The following FCHO1 variants were observed in gnomAD, a reference collection of about 807,000 sequenced individuals.
FCHO1 encodes the protein F-BAR domain only protein 1.
FCHO1 carries 45 observed loss-of-function variants against 114.4 expected under a neutral mutation model. The ratio of observed to expected loss-of-function variants is 0.39; its 90% CI spans 0.31 to 0.50. FCHO1 has a LOEUF of 0.50. Among genes scored for constraint, FCHO1 ranks in the 20% least tolerant of loss-of-function variants. FCHO1 has a pLI of 0.77. For missense variants in FCHO1, 1,042 were observed against 1,209.6 expected, an observed-to-expected ratio of 0.86 and a Z score of 2.06; for synonymous variants, 480 against 488.9, an observed-to-expected ratio of 0.98 and a Z score of 0.24.
intron 28 of FCHO1, 31 bp from the exon 29 acceptor site, chr19:17,788,253 A>G: frequency 1.2e-5 from 4 of 346,774 alleles, no homozygotes; most frequent in Non-Finnish European, 2.2e-5. Context: ...CCTCCTCCCC[A>G]CCCCTCCCCC....
chr19:17,777,535 CAAAAAAAAA>C (rs34293409), intron 18 of FCHO1, among the ~76,000 whole-genome samples: 1 of 74,808 alleles, frequency 1.3e-5, no homozygotes, highest in Non-Finnish European at 2.5e-5. Context: ...AACTCCGTCT[CAAAAAAAAA>C]AAAAAAAAAA....
In FCHO1 at chr19:17,788,454, A is replaced by G. The variant is rs766218257; in HGVS notation, c.*148A>G. The G allele has an allele frequency of 8.0e-5, 50 of 621,454 alleles. No homozygotes were observed. The highest frequency in any genetic ancestry group is 4.4e-4 in the Middle Eastern group (1 of 2,284). 38.5% of individuals were successfully genotyped at this position (621,454 alleles called of 1,614,324 possible). A position where few individuals can be genotyped will look rare whatever the true frequency, so the allele number is the denominator to read the frequency against. On this transcript the variant is annotated 3_prime_UTR_variant, in exon 29 of 29. Coordinates refer to ENST00000596536, the MANE Select transcript of FCHO1 (RefSeq NM_015122.3). The stretch of plus-strand genomic sequence containing the variant: ...AGGAGCCCCATGCCCAGCCTGGCTG[A>G]GCCCGAGATTCGCTCCTCCCCCTCA...
At chr19:17,763,734 A>T (rs1401949667) in intron 5 of FCHO1, among the ~76,000 whole-genome samples, 1 of 150,966 alleles carries the variant, frequency 6.6e-6, no homozygotes, top group African/African-American at 2.4e-5. Context: ...AGTTAAAAAA[A>T]ATTTTTTTTG....
At chr19:17,783,846 G>T (rs1362267713) in intron 24 of FCHO1, among the ~76,000 whole-genome samples, 1 of 152,156 alleles carries the variant, frequency 6.6e-6, no homozygotes, top group Non-Finnish European at 1.5e-5. Flanking sequence ...CTCCCAAAGT[G>T]CTGGGATTAC....
chr19:17,772,342 C>A, intron 9 of FCHO1, 115 bp from the exon 10 acceptor site: 1 of 774,978 alleles, frequency 1.3e-6, no homozygotes, highest in Non-Finnish European at 2.2e-6. Context: ...GGCCCTTCCC[C>A]AAATCAATCA....
At chr19:17,750,560 G>T (rs2081633821), upstream of FCHO1, among the ~76,000 whole-genome samples, 1 of 151,316 alleles carries the variant, frequency 6.6e-6, no homozygotes, top group African/African-American at 2.4e-5. Flanking sequence ...CTGGGTTCAA[G>T]CGATTCTCCT....
intron 20 of FCHO1, among the ~76,000 whole-genome samples, chr19:17,780,391 T>C (rs983367967): frequency 6.6e-6 from 1 of 152,126 alleles, no homozygotes; most frequent in African/African-American, 2.4e-5. Flanking sequence ...CTCGAACTCC[T>C]GACCTCAGGT....
At chr19:17,778,097 G>T in intron 18 of FCHO1, 40 bp from the exon 19 acceptor site, 1 of 1,519,222 alleles carries the variant, frequency 6.6e-7, no homozygotes, top group South Asian at 1.1e-5. Context: ...ATGAGGCTTG[G>T]GAAAAATAGA....
rs900201020 is a variant in FCHO1 at position 17,751,869 on chromosome 19, C to T, written c.-183+292C>T. ...TTGGCAGACAGACCAGGGGCAAAAT[C>T]ACAGTCAGCCGGGACCAATGATTGA... On this transcript the variant is annotated intron_variant, in intron 1 of 28. Coordinates refer to ENST00000596536, the MANE Select transcript of FCHO1 (RefSeq NM_015122.3). The surrounding 1 kb of genome is among the most constrained non-coding windows in gnomAD (Gnocchi z 4.4). Among the ~76,000 whole-genome samples the T allele has an allele frequency of 9.2e-5, 14 of 152,238 alleles. No individual in the cohort carries two copies. The highest frequency in any genetic ancestry group is 2.9e-4 in the African/African-American group (12 of 41,476).
At chr19:17,770,277 G>C in intron 7 of FCHO1, 148 bp from the exon 8 acceptor site, 2 of 721,760 alleles carry the variant, frequency 2.8e-6, no homozygotes, top group Non-Finnish European at 4.2e-6. Context: ...CTCCAGCCTG[G>C]ACAACAAGAG....
intron 11 of FCHO1, among the ~76,000 whole-genome samples, chr19:17,773,903 CTTTTTTTT>C (rs58272005): frequency 7.5e-6 from 1 of 132,814 alleles, no homozygotes. Context: ...CTCTCTCTCT[CTTTTTTTT>C]TTTTTTTTAA....
At position 17,781,788 on chromosome 19, in the gene FCHO1, T is replaced by C. The variant is rs757696206; in HGVS notation, c.1905T>C (p.Tyr635=). 5 of 1,608,644 alleles carry C rather than the reference T, an allele frequency of 3.1e-6. No individual in the cohort carries two copies. The highest frequency in any genetic ancestry group is 1.1e-5 in the South Asian group (1 of 90,388). ...CCATAGCCACAGCCTTCACAGAGTA[T>C]GTCCACGCCTACTTCCGTGGCCACA... ...ALPIATAFTE[Y]VHAYFRGHSP... Residue 635 remains tyrosine, a synonymous_variant, in exon 23 of 29, where the codon TAT becomes TAC. Coordinates refer to ENST00000596536, the MANE Select transcript of FCHO1 (RefSeq NM_015122.3).
intron 27 of FCHO1, 133 bp from the exon 28 acceptor site, chr19:17,787,549 G>C: frequency 1.0e-6 from 1 of 988,310 alleles, no homozygotes; most frequent in Non-Finnish European, 1.4e-6. Context: ...AGATGCAGGG[G>C]ATCAAAGGGA....
At chr19:17,770,725 G>A in intron 8 of FCHO1, 67 bp from the exon 9 acceptor site, 1 of 1,593,148 alleles carries the variant, frequency 6.3e-7, no homozygotes, top group Non-Finnish European at 8.6e-7. Context: ...CCTGCCAGGT[G>A]ATGGGGCCTG....
At position 17,764,390 on chromosome 19, in the gene FCHO1, G is replaced by T. The variant is rs747956233; in HGVS notation, c.135G>T (p.Glu45Asp). The stretch of plus-strand genomic sequence containing the variant: ...TCCTCCCCAGGGCCACCATCGAGGA[G>T]ACCTACTCGAAGGCGATGGCGAAAC... ...DFIRERATIE[E>D]TYSKAMAKLS... Residue 45 changes from glutamate to aspartate, a missense_variant, in exon 6 of 29, where the codon GAG (glutamate) becomes GAT (aspartate). Transcript: ENST00000596536. 1.4e-5 allele frequency: 22 copies of T among 1,613,564 alleles called. No homozygotes were observed. The highest frequency in any genetic ancestry group is 1.7e-5 in the Non-Finnish European group (20 of 1,179,958).
chr19:17,769,271 C>G (rs1401871434), intron 7 of FCHO1, among the ~76,000 whole-genome samples: 2 of 25,008 alleles, frequency 8.0e-5, no homozygotes, highest in Non-Finnish European at 1.3e-4. Context: ...CAAGACTCCG[C>G]CTCAAAAAAA....
rs1224388213 is a variant in FCHO1, at chr19:17,774,453, C to T, written c.895C>T (p.Arg299Trp). ...FRLPGLSRRE[R>W]EPEPPAAVDF... is the part of the protein sequence containing the mutation. ...CCTTCCAGGACTAAGCCGGCGGGAG[C>T]GGGAGCCAGAGCCACCTGCAGCTGT... is the stretch of plus-strand genomic sequence containing the variant. Residue 299 changes from arginine to tryptophan, a missense_variant, in exon 13 of 29, where the codon CGG becomes TGG. Transcript: ENST00000596536. The T allele has an allele frequency of 1.9e-5, 30 of 1,613,296 alleles. No individual in the cohort carries two copies. The highest frequency in any genetic ancestry group is 6.7e-5 in the African/African-American group (5 of 74,886).
intron 27 of FCHO1, among the ~76,000 whole-genome samples, chr19:17,787,042 G>A (rs982069064): frequency 6.6e-6 from 1 of 151,612 alleles, no homozygotes; most frequent in African/African-American, 2.4e-5. Flanking sequence ...TGGCCAGCAT[G>A]GTGAAACCCT....
At position 17,783,093 on chromosome 19, in the gene FCHO1, C is replaced by T; in HGVS notation, c.2014C>T (p.Pro672Ser). ...CGTGCGTGTGTTCAGCGGGACCCCA[C>T]CACCACCTGTCCTCAGCTTCCGGCT... is the stretch of plus-strand genomic sequence containing the variant. Reference protein sequence around the residue: ...GIVRVFSGTPPPPVLSFRLVH... With the variant: ...GIVRVFSGTPSPPVLSFRLVH... Residue 672 changes from proline (P) to serine (S), a missense_variant, in exon 24 of 29, where the codon CCA becomes TCA. By Grantham distance (74) the Pro-to-Ser change is moderately conservative. This residue lies in a region of FCHO1 where 455 missense variants were observed against 455.4 expected (regional missense o/e 1.00). Coordinates refer to ENST00000596536, the MANE Select transcript of FCHO1 (RefSeq NM_015122.3). 6.2e-7 allele frequency: 1 copy of T among 1,614,148 alleles called. No homozygotes were observed. The highest frequency in any genetic ancestry group is 8.5e-7 in the Non-Finnish European group (1 of 1,180,030).
Sources: gnomAD v4.1 joint callset for allele counts (sites outside exome capture counted in the v4.1 genomes callset) on GRCh38, gnomAD v4.1.1 for gene constraint, gnomAD v4.1.1 regional missense constraint, Gnocchi (gnomAD v3.1) non-coding constraint, MANE v1.5 for transcripts, NCBI Gene and HGNC (gene_info 2026-07-23, HGNC 2026-07-21) for gene names.